PDE1C: variants seen among roughly 807,000 people sequenced by gnomAD.
The protein encoded by PDE1C is dual specificity calcium/calmodulin-dependent 3',5'-cyclic nucleotide phosphodiesterase 1C.
A neutral mutation model predicts 93.1 loss-of-function variants in PDE1C; 62 were observed. The ratio of observed to expected loss-of-function variants is 0.67; its 90% CI spans 0.54 to 0.82. The LOEUF (loss-of-function observed/expected upper bound fraction) is 0.82. PDE1C is among the 40% of genes least tolerant of loss of function. PDE1C has a pLI of 0.00. For missense variants in PDE1C, 742 were observed against 884.6 expected, an observed-to-expected ratio of 0.84 and a Z score of 2.04; for synonymous variants, 325 against 310.1, an observed-to-expected ratio of 1.05 and a Z score of -0.50.
At chr7:31,736,647 GA>G in the PDE1C span, among the ~76,000 whole-genome samples, 4 of 152,316 alleles carry the variant, frequency 2.6e-5, no homozygotes, top group East Asian at 3.9e-4. Flanking sequence ...CACTGATTTG[GA>G]ATCTGCGTGT....
At chr7:32,418,208 C>T (rs530926398) in intron 1 of PDE1C, among the ~76,000 whole-genome samples, 36 of 151,902 alleles carry the variant, frequency 2.4e-4, no homozygotes, top group African/African-American at 7.3e-4. Context: ...TATTTCTTTC[C>T]ATGGCAGTAG....
In PDE1C at chr7:31,862,391, A is replaced by G. The variant is rs775318569; in HGVS notation, c.750+2551T>C. Reference sequence around the variant, plus strand: ...AATGCTATAGGCTGGGTGACTTATAAACAACAGAAATTTATTTCTCACAGT... The same window carrying G: ...AATGCTATAGGCTGGGTGACTTATAGACAACAGAAATTTATTTCTCACAGT... On this transcript the variant is annotated intron_variant, in intron 7 of 17. Coordinates refer to ENST00000396191, the MANE Select transcript of PDE1C (RefSeq NM_001191057.4). 7.9e-5 allele frequency among the ~76,000 whole-genome samples: 12 copies of G among 152,122 alleles called. 1 individual carries two copies. Among genetic ancestry groups the G allele is most frequent in the Admixed American group, 6.5e-5 (1 of 15,280 alleles).
intron 3 of PDE1C, among the ~76,000 whole-genome samples, chr7:32,092,588 T>A (rs1426363063): frequency 6.6e-6 from 1 of 152,152 alleles, no homozygotes; most frequent in East Asian, 1.9e-4. Flanking sequence ...CAAGAGTGAA[T>A]CTGGAGGTCC....
intron 1 of PDE1C, among the ~76,000 whole-genome samples, chr7:32,385,670 G>A (rs1402678806): frequency 2.0e-5 from 3 of 152,182 alleles, no homozygotes; most frequent in Non-Finnish European, 4.4e-5. Context: ...AAAGTGCCTG[G>A]AACAATGTCT....
intron 3 of PDE1C, among the ~76,000 whole-genome samples, chr7:32,151,036 C>A (rs1801220505): frequency 6.6e-6 from 1 of 152,132 alleles, no homozygotes; most frequent in African/African-American, 2.4e-5. Flanking sequence ...GATGAGGTCC[C>A]TATTCTTCAA....
intron 2 of PDE1C, among the ~76,000 whole-genome samples, chr7:31,913,315 G>A (rs560638111): frequency 1.3e-5 from 2 of 152,264 alleles, no homozygotes; most frequent in South Asian, 4.1e-4. Context: ...TGAAATTTCA[G>A]CATTTCTTAA....
intron 16 of PDE1C, among the ~76,000 whole-genome samples, chr7:31,804,850 T>C (rs991953869): frequency 1.3e-5 from 2 of 151,762 alleles, no homozygotes; most frequent in African/African-American, 4.8e-5. Context: ...GTAGAACCAG[T>C]ACAGTGCGGA....
chr7:31,828,921 ATTGC>A (rs1790036700), intron 11 of PDE1C, among the ~76,000 whole-genome samples: 1 of 152,176 alleles, frequency 6.6e-6, no homozygotes, highest in Non-Finnish European at 1.5e-5. Flanking sequence ...AGAATAAATA[ATTGC>A]TTGTGTCTAT....
At chr7:32,046,559 CTTG>C (rs1792596652) in intron 2 of PDE1C, among the ~76,000 whole-genome samples, 1 of 152,090 alleles carries the variant, frequency 6.6e-6, no homozygotes, top group African/African-American at 2.4e-5. Flanking sequence ...TTGTACATAT[CTTG>C]TTATTTCCAG....
chr7:31,949,585 A>C (rs975195946), intron 2 of PDE1C, among the ~76,000 whole-genome samples: 1 of 152,218 alleles, frequency 6.6e-6, no homozygotes, highest in African/African-American at 2.4e-5. Context: ...TTCATGTAAT[A>C]GTGTGTCTTA....
the PDE1C span, chr7:31,707,098 A>G: frequency 3.1e-6 from 3 of 981,332 alleles, no homozygotes; most frequent in Admixed American, 5.0e-5. Context: ...TGTAGACACT[A>G]AGAGGTTTCT....
At chr7:31,691,064 T>C in the PDE1C span, among the ~76,000 whole-genome samples, 1 of 152,168 alleles carries the variant, frequency 6.6e-6, no homozygotes, top group Non-Finnish European at 1.5e-5. Context: ...TTCCTGATGG[T>C]CGCAGGGAGT....
At chr7:32,065,112 A>G (rs917183081) in intron 1 of PDE1C, among the ~76,000 whole-genome samples, 45 of 151,680 alleles carry the variant, frequency 3.0e-4, no homozygotes, top group African/African-American at 1.0e-3. Context: ...TATCTCCAAT[A>G]GCTCCATGTT....
At chr7:32,249,669 C>G (rs558988551) in intron 1 of PDE1C, among the ~76,000 whole-genome samples, 5 of 152,252 alleles carry the variant, frequency 3.3e-5, no homozygotes, top group African/African-American at 1.2e-4. Flanking sequence ...GAACTAAATG[C>G]CTTTCACAAA....
At chr7:32,216,102 A>T (rs1182953990) in intron 1 of PDE1C, among the ~76,000 whole-genome samples, 1 of 152,172 alleles carries the variant, frequency 6.6e-6, no homozygotes, top group East Asian at 1.9e-4. Flanking sequence ...CAGGTGTTTG[A>T]CCTCACCTTG....
At chr7:31,910,609 C>T (rs181829382) in intron 2 of PDE1C, among the ~76,000 whole-genome samples, 1 of 152,294 alleles carries the variant, frequency 6.6e-6, no homozygotes, top group East Asian at 1.9e-4. Context: ...TTCAAGAATA[C>T]ATCTGTTCTC....
At chr7:31,845,631 C>T (rs1483078657) in intron 9 of PDE1C, among the ~76,000 whole-genome samples, 1 of 151,838 alleles carries the variant, frequency 6.6e-6, no homozygotes, top group African/African-American at 2.4e-5. Flanking sequence ...TAAACCTGCA[C>T]TTTCTGCACA....
rs573888902 is a variant in PDE1C, at chr7:32,367,798, C to G, written c.310+60024G>C. 9.2e-5 allele frequency among the ~76,000 whole-genome samples: 14 copies of G among 152,138 alleles called. 1 individual carries two copies. Among genetic ancestry groups the G allele is most frequent in the African/African-American group, 3.1e-4 (13 of 41,486 alleles). On this transcript the variant is annotated intron_variant, in intron 1 of 1. Transcript: ENST00000672256. Reference sequence around the variant, plus strand: ...TCTCTACAAAAAATTTAAAAATTAGCTGGGTGTGTTAGCATGTGCCTGTGG... The same window carrying G: ...TCTCTACAAAAAATTTAAAAATTAGGTGGGTGTGTTAGCATGTGCCTGTGG...
chr7:31,737,167 C>T, the PDE1C span, among the ~76,000 whole-genome samples: 2 of 151,438 alleles, frequency 1.3e-5, no homozygotes, highest in East Asian at 1.9e-4. Context: ...TTTGTAGAGA[C>T]GGTATCTCAC....
Sources: allele counts gnomAD v4.1 joint callset (sites outside exome capture counted in the v4.1 genomes callset), GRCh38; gene constraint gnomAD v4.1.1; transcripts MANE v1.5; gene names NCBI Gene and HGNC (gene_info 2026-07-23, HGNC 2026-07-21).